QDPR: variants seen among roughly 807,000 people sequenced by gnomAD.
QDPR encodes quinoid dihydropteridine reductase.
Under a neutral mutation model 31.7 loss-of-function variants are expected in QDPR, and 23 were observed. The observed-to-expected ratio is 0.73, with a 90% CI of 0.52 to 1.03. QDPR has a LOEUF of 1.03. Among genes scored for constraint, QDPR ranks in the 50% least tolerant of loss-of-function variants. The probability of loss-of-function intolerance (pLI) is 0.00; values close to 1 mark genes in which losing one functional copy is unlikely to be tolerated. For synonymous variants in QDPR, 124 were observed against 124.7 expected (o/e 0.99, Z 0.03); for missense variants, 324 against 323.8 (o/e 1.00, Z 0.00).
intron 1 of QDPR, 51 bp downstream of exon 1, chr4:17,511,899 A>G: frequency 6.4e-7 from 1 of 1,572,838 alleles, no homozygotes; most frequent in Non-Finnish European, 8.6e-7. Context: ...TCCACACGAA[A>G]GCCCCCGGCC....
Position 17,501,784 on chromosome 4 carries a change from T to C in QDPR, c.371A>G (p.Lys124Arg), listed in dbSNP as rs1198374434. 1 of 1,614,188 alleles carries C rather than the reference T, an allele frequency of 6.2e-7. No homozygotes were observed. ...TSTISSHLAT[K>R]HLKEGGLLTL... Reference sequence around the variant, plus strand: ...CAGGAGGCCTCCTTCCTTGAGATGCTTGGTAGCCAGATGGCTGGAGATGGT... The same window carrying C: ...CAGGAGGCCTCCTTCCTTGAGATGCCTGGTAGCCAGATGGCTGGAGATGGT... Residue 124 changes from lysine (K) to arginine (R), a missense_variant, in exon 4 of 7, where the codon AAG becomes AGG. Lys to Arg is a conservative substitution (Grantham distance 26). Coordinates refer to ENST00000281243, the MANE Select transcript of QDPR (RefSeq NM_000320.3).
At chr4:17,504,339 A>G (rs375359409) in intron 3 of QDPR, 40 bp downstream of exon 3, 10 of 1,559,326 alleles carry the variant, frequency 6.4e-6, no homozygotes, top group Admixed American at 1.7e-5. Flanking sequence ...CTGGAAAAAG[A>G]GCAGAGCAGA....
intron 1 of QDPR, among the ~76,000 whole-genome samples, chr4:17,511,747 A>G (rs1037879520): frequency 6.6e-6 from 1 of 152,136 alleles, no homozygotes; most frequent in African/African-American, 2.4e-5. Flanking sequence ...TTGCACAGCA[A>G]AGGCCCAGCG....
At chr4:17,507,082 T>G (rs1357819950) in intron 2 of QDPR, among the ~76,000 whole-genome samples, 1 of 152,222 alleles carries the variant, frequency 6.6e-6, no homozygotes. Flanking sequence ...TTTTAAAAAT[T>G]TGTTATAAAA....
At chr4:17,494,055 C>T (rs1336537371) in intron 4 of QDPR, among the ~76,000 whole-genome samples, 1 of 152,152 alleles carries the variant, frequency 6.6e-6, no homozygotes, top group Non-Finnish European at 1.5e-5. Context: ...TACCTGGCTT[C>T]GTGTCCAGGC....
At chr4:17,489,989 G>T in intron 6 of QDPR, 1 of 160,842 alleles carries the variant, frequency 6.2e-6, no homozygotes. Flanking sequence ...GCAGCACCTG[G>T]CCCATAGTGG....
chr4:17,487,452 C>A lies in QDPR; in HGVS notation c.630-216G>T, dbSNP rs1272066618. Among the ~76,000 whole-genome samples the A allele has an allele frequency of 2.0e-5, 3 of 151,362 alleles. No homozygotes were observed. In the South Asian group the frequency reaches 6.3e-4, roughly 32 times the overall value. ...ATCGCTTGAGGTCAGGAGTTCGAGACCAGCCTGGCCAATATGATGAAACCC... is the reference window on the plus strand; with the variant it reads ...ATCGCTTGAGGTCAGGAGTTCGAGAACAGCCTGGCCAATATGATGAAACCC... On this transcript the variant is annotated intron_variant, in intron 6 of 6. Transcript: ENST00000281243.
intron 6 of QDPR, 126 bp downstream of exon 6, chr4:17,490,536 C>T: frequency 1.3e-6 from 1 of 744,666 alleles, no homozygotes; most frequent in Non-Finnish European, 2.4e-6. Context: ...TCCTCAGAGT[C>T]CCAGAGACCT....
Position 17,501,714 on chromosome 4 carries a change from C to G in QDPR, c.436+5G>C, listed in dbSNP as rs764651358. On this transcript the variant is annotated splice_donor_5th_base_variant and intron_variant, in intron 4 of 6. Coordinates refer to ENST00000281243, the MANE Select transcript of QDPR (RefSeq NM_000320.3). Reference sequence around the variant, plus strand: ...CACTCCACAGATAGGGAAATAAAGGCTTACCAGGAGTCCCATCCAGGGCAG... The same window carrying G: ...CACTCCACAGATAGGGAAATAAAGGGTTACCAGGAGTCCCATCCAGGGCAG... 6.2e-6 allele frequency: 10 copies of G among 1,613,694 alleles called. No homozygotes were observed. Among genetic ancestry groups the G allele is most frequent in the Non-Finnish European group, 7.6e-6 (9 of 1,180,004 alleles).
intron 4 of QDPR, among the ~76,000 whole-genome samples, chr4:17,500,594 C>A (rs772852326): frequency 4.6e-5 from 7 of 152,184 alleles, no homozygotes; most frequent in Non-Finnish European, 1.0e-4. Flanking sequence ...AAGGAGAAGG[C>A]AGCCATCTAT....
intron 4 of QDPR, among the ~76,000 whole-genome samples, chr4:17,501,189 T>C (rs1289307077): frequency 7.2e-5 from 11 of 152,162 alleles, no homozygotes; most frequent in Non-Finnish European, 1.6e-4. Flanking sequence ...TCACTCTCTT[T>C]TTGTTTTCTA....
In QDPR at chr4:17,510,824, C is replaced by T. The variant is rs1047799117; in HGVS notation, c.105+1126G>A. 2.3e-4 allele frequency among the ~76,000 whole-genome samples: 35 copies of T among 152,328 alleles called. 1 individual carries two copies. The highest frequency in any genetic ancestry group is 7.9e-4 in the African/African-American group (33 of 41,586). Reference sequence around the variant, plus strand: ...AAGTGCTGCCTCTGTCACCACCATGCATCTCTGAAGACCTGGGAAAGCGCC... The same window carrying T: ...AAGTGCTGCCTCTGTCACCACCATGTATCTCTGAAGACCTGGGAAAGCGCC... On this transcript the variant is annotated intron_variant, in intron 1 of 6. Transcript: ENST00000281243.
chr4:17,508,683 C>T (rs1320174049), intron 2 of QDPR, among the ~76,000 whole-genome samples: 1 of 144,476 alleles, frequency 6.9e-6, no homozygotes, highest in Non-Finnish European at 1.5e-5. Context: ...TACAAAATTA[C>T]CTAAACTTGT....
intron 4 of QDPR, among the ~76,000 whole-genome samples, chr4:17,497,532 ATT>A (rs1288880612): frequency 6.6e-6 from 1 of 151,876 alleles, no homozygotes; most frequent in Non-Finnish European, 1.5e-5. Flanking sequence ...ATATAATTAT[ATT>A]ATCAGTAATT....
At chr4:17,494,836 G>A (rs1718295342) in intron 4 of QDPR, among the ~76,000 whole-genome samples, 1 of 152,106 alleles carries the variant, frequency 6.6e-6, no homozygotes, top group African/African-American at 2.4e-5. Context: ...AGGTTCTGTG[G>A]GCCTGCTTTT....
chr4:17,490,170 G>T, intron 6 of QDPR: 1 of 190,972 alleles, frequency 5.2e-6, no homozygotes, highest in Non-Finnish European at 1.1e-5. Context: ...TGGGTCTGTG[G>T]CTTGACACAG....
In QDPR at chr4:17,487,080, G is replaced by T; in HGVS notation, c.*51C>A. 1 of 1,430,268 alleles carries T rather than the reference G, an allele frequency of 7.0e-7. No homozygotes were observed. The highest frequency in any genetic ancestry group is 9.9e-7 in the Non-Finnish European group (1 of 1,013,560). 88.6% of individuals were successfully genotyped at this position (1,430,268 alleles called of 1,614,324 possible). On this transcript the variant is annotated 3_prime_UTR_variant, in exon 7 of 7. Transcript: ENST00000281243. ...ACAAGGCTGGACAAGGCCACACTGA[G>T]ACAGGTTAGTGACTTTTCTGGCAGG... is the stretch of plus-strand genomic sequence containing the variant.
chr4:17,506,565 A>C (rs1295724147), intron 2 of QDPR, among the ~76,000 whole-genome samples: 1 of 152,174 alleles, frequency 6.6e-6, no homozygotes, highest in Non-Finnish European at 1.5e-5. Flanking sequence ...TATCTGTTTG[A>C]CCTTGGACAA....
chr4:17,495,471 G>C (rs1417212422), intron 4 of QDPR, among the ~76,000 whole-genome samples: 1 of 152,188 alleles, frequency 6.6e-6, no homozygotes, highest in Non-Finnish European at 1.5e-5. Context: ...CCAGGGGTTG[G>C]AACCCAGGTG....
Sources: gnomAD v4.1 joint callset for allele counts (sites outside exome capture counted in the v4.1 genomes callset) on GRCh38, gnomAD v4.1.1 for gene constraint, MANE v1.5 for transcripts, NCBI Gene and HGNC (gene_info 2026-07-23, HGNC 2026-07-21) for gene names.